Variants in NLGN1 observed in about 807,000 individuals in gnomAD.
The protein encoded by NLGN1 is neuroligin-1.
A neutral mutation model predicts 65.5 loss-of-function variants in NLGN1; 12 were observed. The ratio of observed to expected loss-of-function variants is 0.18; its 90% CI spans 0.12 to 0.30. The LOEUF (loss-of-function observed/expected upper bound fraction) is 0.30, where lower values mean the gene tolerates loss of function less well. Ranked by LOEUF, NLGN1 falls within the 10% of genes least tolerant of loss-of-function variation. NLGN1 has a pLI of 1.00. For synonymous variants in NLGN1, 350 were observed against 359.5 expected, an observed-to-expected ratio of 0.97 and a Z score of 0.30; for missense variants, 750 against 1,007.1, an observed-to-expected ratio of 0.74 and a Z score of 3.46.
At chr3:173,632,873 T>A in intron 3 of NLGN1, among the ~76,000 whole-genome samples, 1 of 150,074 alleles carries the variant, frequency 6.7e-6, no homozygotes, top group Non-Finnish European at 1.5e-5. Flanking sequence ...TTTTTAATAG[T>A]TGTCTTCTCA....
intron 3 of NLGN1, 78 bp downstream of exon 2, chr3:173,605,169 G>A: frequency 8.3e-7 from 1 of 1,201,028 alleles, no homozygotes; most frequent in Non-Finnish European, 1.2e-6. Flanking sequence ...ATTAATTCAT[G>A]TGTACTGGTA....
At chr3:173,914,847 A>G (rs2152238244) in intron 4 of NLGN1, 1 of 152,256 alleles carries the variant, frequency 6.6e-6, no homozygotes, top group Non-Finnish European at 1.5e-5. Flanking sequence ...AACTGTTACA[A>G]GATTTTTGTT....
At chr3:173,432,473 G>A (rs962584194) in intron 1 of NLGN1, among the ~76,000 whole-genome samples, 3 of 152,038 alleles carry the variant, frequency 2.0e-5, no homozygotes, top group African/African-American at 7.3e-5. Context: ...TTTCTCTAAT[G>A]ACATAGGATG....
At chr3:174,269,516 G>A (rs112325181) in intron 4 of NLGN1, among the ~76,000 whole-genome samples, 1 of 151,696 alleles carries the variant, frequency 6.6e-6, no homozygotes, top group Non-Finnish European at 1.5e-5. Context: ...AACAAGATTT[G>A]CTTCTTTTTT....
chr3:174,166,098 T>C (rs1029981128), intron 4 of NLGN1, among the ~76,000 whole-genome samples: 18 of 152,022 alleles, frequency 1.2e-4, no homozygotes, highest in African/African-American at 3.6e-4. Flanking sequence ...TTTTCTGCTT[T>C]TTATTCTAGT....
chr3:174,096,052 A>G (rs551132832), intron 4 of NLGN1, among the ~76,000 whole-genome samples: 76 of 151,844 alleles, frequency 5.0e-4, no homozygotes, highest in Non-Finnish European at 6.3e-4. Flanking sequence ...TATAAACACC[A>G]TCATGAGCCT....
At chr3:173,693,851 A>C (rs558113273) in intron 3 of NLGN1, among the ~76,000 whole-genome samples, 1 of 152,240 alleles carries the variant, frequency 6.6e-6, no homozygotes, top group Non-Finnish European at 1.5e-5. Flanking sequence ...GAGAAAGTTG[A>C]GGATAGTGAA....
At chr3:174,251,739 C>A (rs1050395750) in intron 4 of NLGN1, among the ~76,000 whole-genome samples, 75 of 152,140 alleles carry the variant, frequency 4.9e-4, no homozygotes, top group African/African-American at 1.7e-3. Context: ...AACAAATATC[C>A]ATCTACATTA....
rs182276400 is a variant in NLGN1 at position 174,206,123 on chromosome 3, C to T, written c.647-69192C>T. ...TAAAAATCTCCCAATAAGATGACAA[C>T]GTTTGTTTCAAACCAGCAAATAAGA... On this transcript the variant is annotated intron_variant, in intron 4 of 6. Transcript: ENST00000457714. 2.6e-5 allele frequency among the ~76,000 whole-genome samples: 4 copies of T among 152,294 alleles called. No individual in the cohort carries two copies. The East Asian group carries it at 5.8e-4, about 22-fold the overall frequency.
intron 4 of NLGN1, among the ~76,000 whole-genome samples, chr3:174,011,502 G>A (rs1725538045): frequency 6.6e-6 from 1 of 152,060 alleles, no homozygotes; most frequent in Non-Finnish European, 1.5e-5. Flanking sequence ...AAGCTTTGAG[G>A]TTTAAAGCTT....
chr3:174,056,932 TTCTACATTATGA>T (rs1736258502), intron 4 of NLGN1, among the ~76,000 whole-genome samples: 1 of 152,026 alleles, frequency 6.6e-6, no homozygotes, highest in Admixed American at 6.6e-5. Flanking sequence ...TTTTTCATTT[TTCTACATTATGA>T]TTAATCACTT....
chr3:173,869,890 C>CCA (rs1449141212), intron 4 of NLGN1, among the ~76,000 whole-genome samples: 3 of 152,202 alleles, frequency 2.0e-5, no homozygotes, highest in African/African-American at 7.2e-5. Flanking sequence ...CAGACTGTAT[C>CCA]AAGTATTCCA....
intron 1 of NLGN1, among the ~76,000 whole-genome samples, chr3:173,417,937 C>T (rs574081885): frequency 1.5e-4 from 23 of 151,414 alleles, no homozygotes; most frequent in African/African-American, 5.6e-4. Flanking sequence ...AACAAATACT[C>T]ATCTTAATAA....
intron 4 of NLGN1, among the ~76,000 whole-genome samples, chr3:174,141,775 A>C (rs1398460590): frequency 6.6e-6 from 1 of 152,210 alleles, no homozygotes; most frequent in African/African-American, 2.4e-5. Context: ...GATCAGCATT[A>C]AATTAATAAG....
chr3:173,721,099 G>T (rs1332297312), intron 3 of NLGN1, among the ~76,000 whole-genome samples: 1 of 152,190 alleles, frequency 6.6e-6, no homozygotes, highest in Non-Finnish European at 1.5e-5. Context: ...TATGATCCTA[G>T]CCTGTTTTAA....
At chr3:173,488,893 T>C (rs909127256) in intron 2 of NLGN1, among the ~76,000 whole-genome samples, 7 of 151,182 alleles carry the variant, frequency 4.6e-5, no homozygotes, top group Non-Finnish European at 8.8e-5. Flanking sequence ...TAGGTGATCC[T>C]TCAGCTTTCT....
chr3:173,965,236 C>T (rs1468763804), intron 4 of NLGN1, among the ~76,000 whole-genome samples: 1 of 152,012 alleles, frequency 6.6e-6, no homozygotes, highest in Non-Finnish European at 1.5e-5. Flanking sequence ...TTGTTGAATC[C>T]ATGTTTTCCA....
intron 4 of NLGN1, among the ~76,000 whole-genome samples, chr3:174,078,147 AC>A (rs1421816616): frequency 3.9e-5 from 6 of 152,194 alleles, no homozygotes; most frequent in African/African-American, 1.4e-4. Flanking sequence ...TAGAAAAAAA[AC>A]ACTAGTGAGG....
At chr3:174,008,939 G>A (rs1410065490) in intron 4 of NLGN1, among the ~76,000 whole-genome samples, 2 of 152,014 alleles carry the variant, frequency 1.3e-5, no homozygotes, top group Non-Finnish European at 2.9e-5. Context: ...ACTATATTCT[G>A]TGTTTGACAT....
Sources: gnomAD v4.1 joint callset for allele counts (sites outside exome capture counted in the v4.1 genomes callset) on GRCh38, gnomAD v4.1.1 for gene constraint, MANE v1.5 for transcripts, NCBI Gene and HGNC (gene_info 2026-07-23, HGNC 2026-07-21) for gene names.